The following STIM2 variants were observed in gnomAD, a reference collection of about 807,000 sequenced individuals.
STIM2 encodes stromal interaction molecule 2.
In STIM2, 31 loss-of-function variants were observed where a neutral mutation model predicts 85.8. The observed-to-expected ratio is 0.36, with a 90% confidence interval of 0.27 to 0.49. STIM2 has a LOEUF of 0.49. STIM2 is among the 20% of genes least tolerant of loss of function. The pLI is 0.98. For missense variants in STIM2, 841 were observed against 927.6 expected, an observed-to-expected ratio of 0.91 and a Z score of 1.21; for synonymous variants, 356 against 331.1, an observed-to-expected ratio of 1.08 and a Z score of -0.82.
At chr4:27,021,736 T>A in intron 11 of STIM2, 1 of 420,924 alleles carries the variant, frequency 2.4e-6, no homozygotes. Flanking sequence ...GTTGCAATCA[T>A]TTAGTTGAGT....
chr4:26,872,653 A>G (rs1328057522), intron 1 of STIM2, among the ~76,000 whole-genome samples: 2 of 152,264 alleles, frequency 1.3e-5, no homozygotes, highest in African/African-American at 4.8e-5. Context: ...TATTACAAGC[A>G]TATGATAAGT....
chr4:26,945,906 C>T (rs542771797), intron 2 of STIM2, among the ~76,000 whole-genome samples: 104 of 152,140 alleles, frequency 6.8e-4, no homozygotes, highest in African/African-American at 2.5e-3. Context: ...AAAATAAAGT[C>T]TCGGAATCCA....
At chr4:26,997,372 G>A (rs1037002310) in intron 4 of STIM2, among the ~76,000 whole-genome samples, 2 of 152,126 alleles carry the variant, frequency 1.3e-5, no homozygotes, top group Non-Finnish European at 2.9e-5. Flanking sequence ...GTTGGCTGTA[G>A]TGGTTATCTT....
chr4:26,903,149 A>G (rs894373575), intron 1 of STIM2, among the ~76,000 whole-genome samples: 13 of 152,104 alleles, frequency 8.5e-5, no homozygotes, highest in African/African-American at 2.7e-4. Context: ...GCCTTACCTC[A>G]TTAACACAGC....
chr4:26,885,849 A>ATATATATATATATG (rs1723211240), intron 1 of STIM2, among the ~76,000 whole-genome samples: 1 of 43,888 alleles, frequency 2.3e-5, no homozygotes, highest in East Asian at 9.5e-4. Flanking sequence ...ATATATATAT[A>ATATATATATATATG]TATATATATA....
chr4:26,981,285 G>A (rs1301550804), intron 3 of STIM2, among the ~76,000 whole-genome samples: 2 of 152,092 alleles, frequency 1.3e-5, no homozygotes, highest in African/African-American at 2.4e-5. Flanking sequence ...AGTATATAGA[G>A]TTTAGAACAG....
At position 26,951,894 on chromosome 4, in the gene STIM2, T is replaced by C. The variant is rs371475899; in HGVS notation, c.283-5718T>C. Among the ~76,000 whole-genome samples the C allele has an allele frequency of 3.3e-5, 5 of 152,268 alleles. No homozygotes were observed. The East Asian group carries it at 9.7e-4, about 29-fold the overall frequency. On this transcript the variant is annotated intron_variant, in intron 2 of 11. Transcript: ENST00000467087. ...AAACACTCAAGTGGGTATTTAGGTA[T>C]GCAGAGTTCTGGCATCAGAGGCCAA...
chr4:26,913,857 C>T (rs1285963267), intron 1 of STIM2, among the ~76,000 whole-genome samples: 1 of 152,204 alleles, frequency 6.6e-6, no homozygotes. Context: ...CCTGTGATCT[C>T]ACGGTTGCAT....
At chr4:26,991,640 A>C (rs1175385660) in intron 3 of STIM2, among the ~76,000 whole-genome samples, 2 of 152,150 alleles carry the variant, frequency 1.3e-5, no homozygotes, top group Non-Finnish European at 2.9e-5. Flanking sequence ...CCCTGATTTG[A>C]TCATCACACA....
intron 4 of STIM2, among the ~76,000 whole-genome samples, chr4:26,998,355 C>T (rs1045526292): frequency 1.3e-5 from 2 of 152,080 alleles, no homozygotes; most frequent in Non-Finnish European, 2.9e-5. Context: ...ATATAAATTC[C>T]TCTACCTACC....
chr4:26,995,959 A>T (rs1662100402), intron 4 of STIM2, among the ~76,000 whole-genome samples: 1 of 152,102 alleles, frequency 6.6e-6, no homozygotes, highest in Non-Finnish European at 1.5e-5. Flanking sequence ...CAACCATTTT[A>T]AAATGTATGC....
chr4:26,969,654 A>C (rs981955037), intron 3 of STIM2, among the ~76,000 whole-genome samples: 2 of 152,216 alleles, frequency 1.3e-5, no homozygotes, highest in African/African-American at 4.8e-5. Context: ...GCTCAACTGC[A>C]TGAATCTGTT....
intron 3 of STIM2, among the ~76,000 whole-genome samples, chr4:26,961,830 TC>T (rs1234038162): frequency 1.3e-5 from 2 of 152,114 alleles, no homozygotes; most frequent in East Asian, 3.9e-4. Flanking sequence ...AGTGGTGTGA[TC>T]ATACCTCACT....
chr4:26,907,886 G>A (rs2109057162), intron 1 of STIM2, among the ~76,000 whole-genome samples: 1 of 152,262 alleles, frequency 6.6e-6, no homozygotes, highest in African/African-American at 2.4e-5. Context: ...TATGTGGCTG[G>A]CACAGCGCAC....
At chr4:26,952,751 A>G (rs1427786939) in intron 2 of STIM2, among the ~76,000 whole-genome samples, 1 of 152,162 alleles carries the variant, frequency 6.6e-6, no homozygotes, top group Non-Finnish European at 1.5e-5. Context: ...ATGTTATCAC[A>G]TCTAAGAGTT....
intron 1 of STIM2, among the ~76,000 whole-genome samples, chr4:26,899,104 T>G (rs962914576): frequency 6.6e-6 from 1 of 152,094 alleles, no homozygotes. Context: ...TTTATCAAGA[T>G]TAAGGTATTC....
At chr4:26,985,639 C>T (rs1371445128) in intron 3 of STIM2, among the ~76,000 whole-genome samples, 1 of 152,156 alleles carries the variant, frequency 6.6e-6, no homozygotes, top group Non-Finnish European at 1.5e-5. Flanking sequence ...TGTTTTCATG[C>T]TTTAAGAGAA....
At chr4:26,884,137 A>G (rs936882506) in intron 1 of STIM2, among the ~76,000 whole-genome samples, 2 of 152,232 alleles carry the variant, frequency 1.3e-5, no homozygotes, top group African/African-American at 4.8e-5. Context: ...CTTGAGAGTT[A>G]CAGGCAATCA....
chr4:26,899,297 T>A (rs1723831152), intron 1 of STIM2, among the ~76,000 whole-genome samples: 1 of 152,154 alleles, frequency 6.6e-6, no homozygotes, highest in African/African-American at 2.4e-5. Context: ...TCATGATGTA[T>A]TATTATCCTT....
Sources: allele counts gnomAD v4.1 joint callset (sites outside exome capture counted in the v4.1 genomes callset), GRCh38; gene constraint gnomAD v4.1.1; transcripts MANE v1.5; gene names NCBI Gene and HGNC (gene_info 2026-07-23, HGNC 2026-07-21).